Variants in ANKRD36 observed in about 807,000 individuals in gnomAD.
ANKRD36 encodes the protein ankyrin repeat domain 36.
A neutral mutation model predicts 278.1 loss-of-function variants in ANKRD36; 179 were observed. The observed-to-expected ratio is 0.64, with a 90% CI of 0.57 to 0.73. The LOEUF is 0.73. Ranked by LOEUF, ANKRD36 falls within the 30% of genes least tolerant of loss-of-function variation. The pLI is 0.00. For missense variants in ANKRD36, 1,159 were observed against 1,956.7 expected (o/e 0.59, Z 7.69); for synonymous variants, 320 against 641.1 (o/e 0.50, Z 7.57).
At chr2:97,187,470 A>C in intron 32 of ANKRD36, 69 bp downstream of exon 32, 2 of 409,844 alleles carry the variant, frequency 4.9e-6, no homozygotes, top group Non-Finnish European at 8.7e-6. Context: ...ACCCCTAATA[A>C]ATCAGCGGAG....
chr2:97,181,488 CT>C, intron 24 of ANKRD36, 109 bp from the exon 25 acceptor site: 1 of 1,445,166 alleles, frequency 6.9e-7, no homozygotes. Context: ...ACATCAAAGC[CT>C]ACACTAGTAC....
intron 14 of ANKRD36, among the ~76,000 whole-genome samples, 180 bp downstream of exon 14, chr2:97,152,714 C>T (rs1437115439): frequency 6.8e-6 from 1 of 146,962 alleles, no homozygotes; most frequent in Non-Finnish European, 1.5e-5. Flanking sequence ...AATTAGGCAA[C>T]TCTGCTTTAA....
chr2:97,160,731 C>T (rs1343160549), intron 17 of ANKRD36, among the ~76,000 whole-genome samples: 2 of 152,032 alleles, frequency 1.3e-5, no homozygotes, highest in Non-Finnish European at 2.9e-5. Flanking sequence ...ATAGGTTTTA[C>T]ATTTCTCTCT....
intron 22 of ANKRD36, among the ~76,000 whole-genome samples, chr2:97,178,755 C>G (rs1024502558): frequency 2.0e-5 from 3 of 151,390 alleles, no homozygotes; most frequent in African/African-American, 7.3e-5. Context: ...GTGCAGCGCA[C>G]CAGCATGGCA....
chr2:97,153,874 A>G (rs1264744063), intron 14 of ANKRD36, among the ~76,000 whole-genome samples: 1 of 146,638 alleles, frequency 6.8e-6, no homozygotes, highest in East Asian at 2.0e-4. Context: ...AATGAAATGA[A>G]GCTCTAAGTA....
chr2:97,155,948 T>C (rs2047319671), intron 15 of ANKRD36, among the ~76,000 whole-genome samples: 1 of 146,382 alleles, frequency 6.8e-6, no homozygotes, highest in South Asian at 2.1e-4. Flanking sequence ...ATCTAATAAT[T>C]AAATCTATTA....
intron 46 of ANKRD36, among the ~76,000 whole-genome samples, chr2:97,201,735 C>T (rs1354090403): frequency 2.6e-5 from 4 of 151,900 alleles, no homozygotes; most frequent in African/African-American, 7.2e-5. Flanking sequence ...GAAGCATCAT[C>T]GCAATTGTGT....
At chr2:97,125,704 A>T (rs2153420294) in intron 5 of ANKRD36, among the ~76,000 whole-genome samples, 1 of 151,580 alleles carries the variant, frequency 6.6e-6, no homozygotes, top group South Asian at 2.1e-4. Context: ...CCCTCAAGTG[A>T]TCTGTTATCT....
At chr2:97,116,920 C>G (rs190199580) in intron 1 of ANKRD36, among the ~76,000 whole-genome samples, 277 of 152,094 alleles carry the variant, frequency 1.8e-3, no homozygotes, top group African/African-American at 6.2e-3. Flanking sequence ...TATTATGTAG[C>G]AGACAGATTC....
At chr2:97,131,982 C>A (rs1055101663) in intron 6 of ANKRD36, among the ~76,000 whole-genome samples, 1 of 151,946 alleles carries the variant, frequency 6.6e-6, no homozygotes, top group Non-Finnish European at 1.5e-5. Flanking sequence ...GCCTGCACCA[C>A]CACGCCCAGC....
intron 4 of ANKRD36, among the ~76,000 whole-genome samples, chr2:97,123,977 T>G (rs1420665428): frequency 9.2e-6 from 1 of 108,896 alleles, no homozygotes; most frequent in Non-Finnish European, 2.3e-5. Flanking sequence ...ATATATATAG[T>G]GTTTAATTAA....
At chr2:97,154,803 C>A (rs1488894481) in intron 15 of ANKRD36, 62 bp downstream of exon 15, 1 of 1,327,756 alleles carries the variant, frequency 7.5e-7, no homozygotes, top group Non-Finnish European at 1.0e-6. Context: ...GTATTATTTT[C>A]TTCTAGCAAA....
intron 1 of ANKRD36, among the ~76,000 whole-genome samples, chr2:97,114,911 G>A (rs976204193): frequency 1.3e-5 from 2 of 152,070 alleles, no homozygotes; most frequent in African/African-American, 2.4e-5. Flanking sequence ...ACGACATCAA[G>A]AAAACTTTTG....
chr2:97,154,272 A>T (rs141316137), intron 14 of ANKRD36, among the ~76,000 whole-genome samples: 276 of 138,254 alleles, frequency 2.0e-3, no homozygotes, highest in South Asian at 2.7e-3. Context: ...ACCTTGTTTT[A>T]GGTTATCAGG....
At chr2:97,207,596 A>G (rs2063215676) in intron 52 of ANKRD36, among the ~76,000 whole-genome samples, 1 of 151,492 alleles carries the variant, frequency 6.6e-6, no homozygotes, top group African/African-American at 2.4e-5. Flanking sequence ...AAATCATACC[A>G]TGTTTGAAAT....
intron 67 of ANKRD36, among the ~76,000 whole-genome samples, chr2:97,227,632 A>G (rs1400728084): frequency 6.6e-6 from 1 of 152,104 alleles, no homozygotes; most frequent in Non-Finnish European, 1.5e-5. Context: ...TCTCCTGCCT[A>G]ATGGCCCTAA....
chr2:97,198,196 G>A (rs554061339), intron 42 of ANKRD36, among the ~76,000 whole-genome samples: 116 of 151,984 alleles, frequency 7.6e-4, no homozygotes, highest in African/African-American at 2.6e-3. Context: ...GCATATCCAC[G>A]TTGATAGTGA....
chr2:97,170,220 C>CGGCCGGGCGCGGTGGCTCACGCCTG (rs2052016341), intron 22 of ANKRD36, among the ~76,000 whole-genome samples: 1 of 151,680 alleles, frequency 6.6e-6, no homozygotes, highest in African/African-American at 2.4e-5. Flanking sequence ...ACTGGCTAGC[C>CGGCCGGGCGCGGTGGCTCACGCCTG]TTATGCAGGA....
intron 48 of ANKRD36, 150 bp from the exon 49 acceptor site, chr2:97,203,918 A>C: frequency 3.1e-6 from 4 of 1,282,324 alleles, no homozygotes; most frequent in Non-Finnish European, 4.3e-6. Context: ...TATTTCTGTC[A>C]CGTTCTAATC....
Sources: gnomAD v4.1 joint callset for allele counts (sites outside exome capture counted in the v4.1 genomes callset) on GRCh38, gnomAD v4.1.1 for gene constraint, MANE v1.5 for transcripts, NCBI Gene and HGNC (gene_info 2026-07-23, HGNC 2026-07-21) for gene names.